The following MYT1L variants were observed in gnomAD, a reference collection of about 807,000 sequenced individuals.
The protein encoded by MYT1L is myelin transcription factor 1-like protein.
MYT1L carries 12 observed loss-of-function variants against 126.7 expected under a neutral mutation model. The ratio of observed to expected loss-of-function variants is 0.09; its 90% CI spans 0.06 to 0.15. The LOEUF (loss-of-function observed/expected upper bound fraction) is 0.15, where lower values mean the gene tolerates loss of function less well. Ranked by LOEUF, MYT1L falls within the 10% of genes least tolerant of loss-of-function variation. The probability of loss-of-function intolerance (pLI) is 1.00; values close to 1 mark genes in which losing one functional copy is unlikely to be tolerated. For missense variants in MYT1L, 979 were observed against 1,585.2 expected, an observed-to-expected ratio of 0.62 and a Z score of 6.49; for synonymous variants, 541 against 604.2, an observed-to-expected ratio of 0.90 and a Z score of 1.53.
At chr2:1,964,835 G>C (rs2059215697) in intron 8 of MYT1L, among the ~76,000 whole-genome samples, 1 of 152,290 alleles carries the variant, frequency 6.6e-6, no homozygotes, top group African/African-American at 2.4e-5. Flanking sequence ...AAGGCTTCCA[G>C]AGGCAGGTCT....
intron 5 of MYT1L, among the ~76,000 whole-genome samples, chr2:1,996,207 T>A (rs578005507): frequency 6.6e-6 from 1 of 152,320 alleles, no homozygotes; most frequent in Non-Finnish European, 1.5e-5. Context: ...TTAGTTCTTT[T>A]CTCACACGCA....
At chr2:2,128,298 C>A (rs528002427) in intron 3 of MYT1L, among the ~76,000 whole-genome samples, 39 of 152,274 alleles carry the variant, frequency 2.6e-4, no homozygotes, top group Non-Finnish European at 4.4e-4. Context: ...AGGCACCCAA[C>A]ACCACGCCTG....
At chr2:2,122,047 A>C (rs1195265918) in intron 3 of MYT1L, among the ~76,000 whole-genome samples, 1 of 152,214 alleles carries the variant, frequency 6.6e-6, no homozygotes, top group African/African-American at 2.4e-5. Context: ...TGCGTCTGTC[A>C]GCAGGGCGGC....
chr2:2,079,866 G>GA (rs2075636325), intron 3 of MYT1L, among the ~76,000 whole-genome samples: 1 of 151,646 alleles, frequency 6.6e-6, no homozygotes, highest in South Asian at 2.1e-4. Context: ...ATAGGTTTAG[G>GA]AATTAGTCTT....
chr2:2,185,429 C>T (rs768972218), intron 2 of MYT1L, among the ~76,000 whole-genome samples: 10 of 152,188 alleles, frequency 6.6e-5, no homozygotes, highest in Non-Finnish European at 1.2e-4. Flanking sequence ...GGCCTCCACA[C>T]GTGAGGGGGA....
chr2:2,201,550 T>G (rs2093073015), intron 2 of MYT1L, among the ~76,000 whole-genome samples: 1 of 151,866 alleles, frequency 6.6e-6, no homozygotes, highest in Non-Finnish European at 1.5e-5. Context: ...ATACACAAAT[T>G]AGCTGGGCGT....
At chr2:2,330,837 C>T (rs1022486693) in intron 1 of MYT1L, 130 bp downstream of exon 1, 1 of 152,112 alleles carries the variant, frequency 6.6e-6, no homozygotes, top group East Asian at 1.9e-4. Flanking sequence ...ATTTCAGCTA[C>T]CAGCCATGCT....
At chr2:2,127,000 T>C (rs2081792361) in intron 3 of MYT1L, among the ~76,000 whole-genome samples, 1 of 152,240 alleles carries the variant, frequency 6.6e-6, no homozygotes, top group South Asian at 2.1e-4. Flanking sequence ...GCCTACTCAA[T>C]TCTCTGGGTT....
In MYT1L at chr2:1,831,925, G is replaced by A. The variant is rs550213799; in HGVS notation, c.3080+7224C>T. On this transcript the variant is annotated intron_variant, in intron 21 of 24. Transcript: ENST00000647738. ...AGTGCTGCTGATTTCCGATTCCTACGCGGCTCTCCTCAGACACTTCCCGAG... is the reference window on the plus strand; with the variant it reads ...AGTGCTGCTGATTTCCGATTCCTACACGGCTCTCCTCAGACACTTCCCGAG... 7.9e-5 allele frequency among the ~76,000 whole-genome samples: 12 copies of A among 152,150 alleles called. No individual in the cohort carries two copies. The South Asian group carries it at 8.3e-4, about 11-fold the overall frequency.
chr2:2,041,449 T>C (rs1558826365), intron 4 of MYT1L, among the ~76,000 whole-genome samples: 1 of 152,212 alleles, frequency 6.6e-6, no homozygotes, highest in Non-Finnish European at 1.5e-5. Flanking sequence ...CTCAGTGCTT[T>C]GCAAGCTGAA....
chr2:2,310,437 C>T lies in MYT1L; in HGVS notation c.-521+20530G>A, dbSNP rs369758683. ...CCATCTACACTTCAGTATACTTTAT[C>T]TATACTCCATCTACACTTCAGTACA... On this transcript the variant is annotated intron_variant, in intron 1 of 24. Transcript: ENST00000647738. 4.6e-5 allele frequency among the ~76,000 whole-genome samples: 7 copies of T among 152,098 alleles called. No individual in the cohort carries two copies. In the East Asian group the frequency reaches 1.3e-3, roughly 29 times the overall value.
intron 9 of MYT1L, among the ~76,000 whole-genome samples, chr2:1,935,092 T>C (rs1371403227): frequency 6.6e-6 from 1 of 152,234 alleles, no homozygotes; most frequent in African/African-American, 2.4e-5. Context: ...CTTAGCAATC[T>C]GAAGTTTAGT....
chr2:2,088,617 G>T (rs948420162), intron 3 of MYT1L, among the ~76,000 whole-genome samples: 1 of 151,124 alleles, frequency 6.6e-6, no homozygotes, highest in Admixed American at 6.6e-5. Flanking sequence ...ATTCAAAAGG[G>T]GTTGATTTAC....
chr2:2,254,530 T>C (rs1462378237), intron 2 of MYT1L, among the ~76,000 whole-genome samples: 1 of 152,248 alleles, frequency 6.6e-6, no homozygotes. Flanking sequence ...TCTCCTTATC[T>C]GCACAGTGGT....
intron 21 of MYT1L, among the ~76,000 whole-genome samples, chr2:1,835,070 C>G (rs1167689666): frequency 7.1e-6 from 1 of 140,060 alleles, no homozygotes; most frequent in African/African-American, 2.8e-5. Flanking sequence ...TACAGGTGCT[C>G]CTCCATATAC....
intron 18 of MYT1L, among the ~76,000 whole-genome samples, chr2:1,861,502 TC>T (rs2044595002): frequency 7.0e-6 from 1 of 143,488 alleles, no homozygotes; most frequent in Non-Finnish European, 1.5e-5. Flanking sequence ...GGTTTGTGAA[TC>T]TTTTTTTTTT....
At chr2:2,100,696 T>A (rs1284645918) in intron 3 of MYT1L, among the ~76,000 whole-genome samples, 1 of 152,132 alleles carries the variant, frequency 6.6e-6, no homozygotes, top group African/African-American at 2.4e-5. Flanking sequence ...AAGAAAAATT[T>A]CCCCTTTCTT....
intron 18 of MYT1L, among the ~76,000 whole-genome samples, chr2:1,853,942 G>T (rs1572889717): frequency 6.6e-6 from 1 of 152,136 alleles, no homozygotes; most frequent in South Asian, 2.1e-4. Flanking sequence ...TCCATTGTTT[G>T]ATAAGAAAAT....
intron 3 of MYT1L, among the ~76,000 whole-genome samples, chr2:2,120,244 GTGGTCGCTGCCCT>G (rs1391702158): frequency 6.6e-6 from 1 of 152,192 alleles, no homozygotes; most frequent in Non-Finnish European, 1.5e-5. Context: ...CTGGGAGGGA[GTGGTCGCTGCCCT>G]TGCAAGCTCA....
Sources: gnomAD v4.1 joint callset for allele counts (sites outside exome capture counted in the v4.1 genomes callset) on GRCh38, gnomAD v4.1.1 for gene constraint, MANE v1.5 for transcripts, NCBI Gene and HGNC (gene_info 2026-07-23, HGNC 2026-07-21) for gene names.